Variants in PLXNA4 observed in about 807,000 individuals in gnomAD.
PLXNA4 encodes the protein plexin A4, also known as plexin-A4.
PLXNA4 carries 44 observed loss-of-function variants against 191.8 expected under a neutral mutation model. The observed-to-expected ratio is 0.23, with a 90% confidence interval of 0.18 to 0.29. The LOEUF (loss-of-function observed/expected upper bound fraction) is 0.29, where lower values mean the gene tolerates loss of function less well. PLXNA4 is among the 10% of genes least tolerant of loss of function. PLXNA4 has a pLI of 1.00. For synonymous variants in PLXNA4, 1,082 were observed against 1,009.5 expected (o/e 1.07, Z -1.36); for missense variants, 1,800 against 2,488.8 (o/e 0.72, Z 5.89).
intron 3 of PLXNA4, among the ~76,000 whole-genome samples, chr7:132,365,364 T>TGCGC (rs10690790): frequency 0.051 from 7,523 of 147,202 alleles, 244 homozygotes; most frequent in African/African-American, 0.067. Flanking sequence ...TGTGTGTGCG[T>TGCGC]GCGCGCGCAT....
At chr7:132,396,497 T>G (rs1793765687) in intron 3 of PLXNA4, among the ~76,000 whole-genome samples, 2 of 152,252 alleles carry the variant, frequency 1.3e-5, no homozygotes, top group Admixed American at 1.3e-4. Flanking sequence ...TTTTTATTTT[T>G]TTTGTTTGTT....
chr7:132,520,720 C>T (rs1012454503), intron 1 of PLXNA4, among the ~76,000 whole-genome samples: 3 of 152,150 alleles, frequency 2.0e-5, no homozygotes, highest in African/African-American at 7.2e-5. Context: ...TGGACCTCAG[C>T]ATCTGTCCGG....
At chr7:132,626,950 C>G (rs953436836) in intron 2 of PLXNA4, among the ~76,000 whole-genome samples, 1 of 152,142 alleles carries the variant, frequency 6.6e-6, no homozygotes, top group African/African-American at 2.4e-5. Context: ...AAGGACCCTC[C>G]TTAATAAAGG....
At chr7:132,259,127 T>C (rs1024712099) in intron 4 of PLXNA4, among the ~76,000 whole-genome samples, 4 of 152,134 alleles carry the variant, frequency 2.6e-5, no homozygotes, top group African/African-American at 9.7e-5. Context: ...GCAGACAGTA[T>C]TGAGCCACTT....
chr7:132,356,290 G>A (rs753789488), intron 3 of PLXNA4, among the ~76,000 whole-genome samples: 2 of 152,172 alleles, frequency 1.3e-5, no homozygotes, highest in Non-Finnish European at 2.9e-5. Context: ...AAATGGCAAA[G>A]TTGGGTTTAT....
intron 1 of PLXNA4, among the ~76,000 whole-genome samples, chr7:132,535,912 A>T (rs1202293877): frequency 6.6e-6 from 1 of 152,166 alleles, no homozygotes; most frequent in East Asian, 1.9e-4. Context: ...TACCTATTAG[A>T]CAGAGGGAAA....
At chr7:132,217,859 G>A (rs952977172) in intron 9 of PLXNA4, among the ~76,000 whole-genome samples, 2 of 149,192 alleles carry the variant, frequency 1.3e-5, no homozygotes, top group African/African-American at 4.9e-5. Flanking sequence ...GAGTGGGGGT[G>A]GTGCATGGGT....
chr7:132,552,928 G>A (rs1208203852), intron 1 of PLXNA4, among the ~76,000 whole-genome samples: 5 of 152,166 alleles, frequency 3.3e-5, no homozygotes, highest in African/African-American at 4.8e-5. Context: ...CCCATTACAA[G>A]CCCTCTTAGG....
intron 3 of PLXNA4, among the ~76,000 whole-genome samples, chr7:132,299,536 T>C (rs1801228699): frequency 6.6e-6 from 1 of 152,218 alleles, no homozygotes. Flanking sequence ...TTCTGGACTC[T>C]GATTTTTAAA....
At chr7:132,493,409 C>T (rs1484917727) in intron 2 of PLXNA4, among the ~76,000 whole-genome samples, 10 of 152,132 alleles carry the variant, frequency 6.6e-5, no homozygotes, top group Non-Finnish European at 1.2e-4. Context: ...AAATAAGCAC[C>T]CATTAAATGA....
intron 3 of PLXNA4, among the ~76,000 whole-genome samples, chr7:132,422,937 C>A (rs1203774656): frequency 6.6e-6 from 1 of 152,210 alleles, no homozygotes; most frequent in East Asian, 1.9e-4. Flanking sequence ...CAAAGCCTCC[C>A]ACAGCCGAGG....
chr7:132,130,394 G>C lies in PLXNA4; in HGVS notation c.*85C>G, dbSNP rs1794892112. ...CAGGGGATGCTGCTGATGCCAGTCG[G>C]AACTTGCACTTGGTAAAGATGATAA... On this transcript the variant is annotated 3_prime_UTR_variant, in exon 32 of 32. Coordinates refer to ENST00000321063, the MANE Select transcript of PLXNA4 (RefSeq NM_020911.2). The C allele has an allele frequency of 6.3e-7, 1 of 1,593,654 alleles. No individual in the cohort carries two copies. Among genetic ancestry groups the C allele is most frequent in the Admixed American group, 1.7e-5 (1 of 59,536 alleles).
At chr7:132,543,627 T>C (rs1800173776) in intron 1 of PLXNA4, among the ~76,000 whole-genome samples, 1 of 152,244 alleles carries the variant, frequency 6.6e-6, no homozygotes, top group Non-Finnish European at 1.5e-5. Context: ...ACATTGGATT[T>C]ACTTTTGGGA....
chr7:132,535,776 G>A (rs997992095), intron 1 of PLXNA4, among the ~76,000 whole-genome samples: 1 of 36,388 alleles, frequency 2.7e-5, no homozygotes, highest in African/African-American at 8.9e-5. Flanking sequence ...GAAAAATCAA[G>A]GCATCTTCCC....
chr7:132,628,340 GTCTCTCTCTCGCTC>G (rs1803422003), intron 2 of PLXNA4, among the ~76,000 whole-genome samples: 1 of 151,438 alleles, frequency 6.6e-6, no homozygotes, highest in African/African-American at 2.4e-5. Context: ...CTCTTGCTCT[GTCTCTCTCTCGCTC>G]TCTCTCTCTC....
At chr7:132,270,642 C>A (rs956547709) in intron 4 of PLXNA4, among the ~76,000 whole-genome samples, 1 of 152,138 alleles carries the variant, frequency 6.6e-6, no homozygotes, top group African/African-American at 2.4e-5. Context: ...ATATGTAATA[C>A]CTCTATGAAA....
intron 3 of PLXNA4, among the ~76,000 whole-genome samples, chr7:132,401,835 C>T (rs564709344): frequency 2.9e-4 from 44 of 152,222 alleles, no homozygotes; most frequent in African/African-American, 1.1e-3. Flanking sequence ...GCTCTAAGTC[C>T]CTGCAAATTG....
intron 3 of PLXNA4, among the ~76,000 whole-genome samples, chr7:132,457,855 T>A (rs1796365701): frequency 6.6e-6 from 1 of 152,186 alleles, no homozygotes; most frequent in African/African-American, 2.4e-5. Context: ...AGCCAAGGAA[T>A]GCAGCCCCAG....
At chr7:132,469,587 C>T (rs1038718319) in intron 3 of PLXNA4, among the ~76,000 whole-genome samples, 2 of 152,136 alleles carry the variant, frequency 1.3e-5, no homozygotes, top group South Asian at 2.1e-4. Flanking sequence ...AAACAGGGCT[C>T]CATTTGGATG....
Sources: allele counts gnomAD v4.1 joint callset (sites outside exome capture counted in the v4.1 genomes callset), GRCh38; gene constraint gnomAD v4.1.1; transcripts MANE v1.5; gene names NCBI Gene and HGNC (gene_info 2026-07-23, HGNC 2026-07-21).